Variants in FERMT1 observed in about 807,000 individuals in gnomAD.
The protein encoded by FERMT1 is fermitin family homolog 1.
FERMT1 carries 60 observed loss-of-function variants against 85.3 expected under a neutral mutation model. The ratio of observed to expected loss-of-function variants is 0.70; its 90% CI spans 0.57 to 0.87. The LOEUF (loss-of-function observed/expected upper bound fraction) is 0.87. Ranked by LOEUF, FERMT1 falls within the 40% of genes least tolerant of loss-of-function variation. The pLI, the probability that FERMT1 is intolerant of heterozygous loss-of-function variation, is 0.00. For missense variants in FERMT1, 701 were observed against 818.9 expected (o/e 0.86, Z 1.76); for synonymous variants, 275 against 301.1 (o/e 0.91, Z 0.90).
chr20:6,119,382 C>A, intron 2 of FERMT1, 22 bp downstream of exon 2: 1 of 1,613,318 alleles, frequency 6.2e-7, no homozygotes, highest in Non-Finnish European at 8.5e-7. Flanking sequence ...TACAGAGAAA[C>A]CGTAAAGCAA....
At chr20:6,080,114 G>T (rs1043130609) in intron 13 of FERMT1, among the ~76,000 whole-genome samples, 1 of 152,122 alleles carries the variant, frequency 6.6e-6, no homozygotes, top group Non-Finnish European at 1.5e-5. Flanking sequence ...GGATATCTGG[G>T]GAAAGAGTAT....
At chr20:6,091,495 G>A (rs984013119) in intron 9 of FERMT1, among the ~76,000 whole-genome samples, 1 of 152,062 alleles carries the variant, frequency 6.6e-6, no homozygotes, top group Non-Finnish European at 1.5e-5. Context: ...GCCTCCCAAA[G>A]TGCTGGGATT....
intron 5 of FERMT1, among the ~76,000 whole-genome samples, chr20:6,109,964 A>G (rs1982900585): frequency 6.6e-6 from 1 of 151,844 alleles, no homozygotes; most frequent in South Asian, 2.1e-4. Context: ...CTGGTGGGTC[A>G]CCTTGGATTT....
At chr20:6,111,581 G>A (rs1303789740) in intron 4 of FERMT1, among the ~76,000 whole-genome samples, 1 of 152,060 alleles carries the variant, frequency 6.6e-6, no homozygotes, top group Non-Finnish European at 1.5e-5. Context: ...GCAATGAGCC[G>A]AGATTGTGCC....
chr20:6,110,679 T>C (rs956372550), intron 4 of FERMT1, among the ~76,000 whole-genome samples, 168 bp from the exon 5 acceptor site: 1 of 152,174 alleles, frequency 6.6e-6, no homozygotes, highest in Non-Finnish European at 1.5e-5. Flanking sequence ...TAATCCTAGC[T>C]ACTTGGGAGG....
chr20:6,080,586 T>A lies in FERMT1; in HGVS notation c.1719-1009A>T, dbSNP rs187973099. Among the ~76,000 whole-genome samples, 111 of 152,158 alleles carry A rather than the reference T, an allele frequency of 7.3e-4. 1 individual carries two copies. The highest frequency in any genetic ancestry group is 2.6e-3 in the African/African-American group (107 of 41,520). ...GGATCACTCTGGACCGGCTCTGTGATGGTGGTGGTGGAGGAGGAGGCGGAA... is the reference window on the plus strand; with the variant it reads ...GGATCACTCTGGACCGGCTCTGTGAAGGTGGTGGTGGAGGAGGAGGCGGAA... On this transcript the variant is annotated intron_variant, in intron 13 of 14. Transcript: ENST00000217289.
Position 6,084,163 on chromosome 20 carries a change from A to C in FERMT1, c.1595T>G (p.Leu532Arg). 6.2e-7 allele frequency: 1 copy of C among 1,610,364 alleles called. No homozygotes were observed. The highest frequency in any genetic ancestry group is 8.5e-7 in the Non-Finnish European group (1 of 1,178,306). Residue 532 changes from leucine (L) to arginine (R), a missense_variant and splice_region_variant, in exon 13 of 15, where the codon CTG becomes CGG. Coordinates refer to ENST00000217289, the MANE Select transcript of FERMT1 (RefSeq NM_017671.5). The part of the protein sequence containing the change: ...RCAKRHKSKQ[L>R]AARILEAHQN... ...GTGCGCCTCCAGGATCCGGGCGGCC[A>C]GCTGAACAGAAACAGACATCAACCT...
chr20:6,075,046 T>G lies in FERMT1; in HGVS notation c.*2127A>C, dbSNP rs1395986847. The stretch of plus-strand genomic sequence containing the variant: ...GCTCTTTGGAACAGTAGCATTTAGG[T>G]TTGTTTTTTTTTTTTTTTGTCACAC... On this transcript the variant is annotated 3_prime_UTR_variant, in exon 15 of 15. Transcript: ENST00000217289. 7.2e-6 allele frequency: 1 copy of G among 139,708 alleles called. No homozygotes were observed. The highest frequency in any genetic ancestry group is 1.6e-5 in the Non-Finnish European group (1 of 63,904). The allele number at this position is 139,708 out of a possible 1,614,324, so 8.7% of individuals were successfully genotyped here.
chr20:6,093,922 C>T (rs960255874), intron 9 of FERMT1, among the ~76,000 whole-genome samples: 2 of 152,148 alleles, frequency 1.3e-5, no homozygotes, highest in Non-Finnish European at 2.9e-5. Context: ...CACCATTGCA[C>T]TCTAGCCTGG....
At chr20:6,088,156 T>C (rs770120634) in intron 10 of FERMT1, among the ~76,000 whole-genome samples, 19 of 152,196 alleles carry the variant, frequency 1.2e-4, no homozygotes, top group Non-Finnish European at 2.2e-4. Flanking sequence ...TCCAAACTCA[T>C]AGAAAAAATT....
At chr20:6,078,176 G>T (rs1233672771) in intron 14 of FERMT1, among the ~76,000 whole-genome samples, 1 of 152,202 alleles carries the variant, frequency 6.6e-6, no homozygotes, top group Non-Finnish European at 1.5e-5. Flanking sequence ...TCCTCCCAGA[G>T]ATTCAGATTT....
intron 13 of FERMT1, among the ~76,000 whole-genome samples, chr20:6,082,893 C>T (rs1982040090): frequency 6.6e-6 from 1 of 152,046 alleles, no homozygotes; most frequent in Non-Finnish European, 1.5e-5. Context: ...CTCTTGAGCT[C>T]AGGCAATCCG....
intron 6 of FERMT1, among the ~76,000 whole-genome samples, chr20:6,099,172 G>A (rs1982586432): frequency 6.6e-6 from 1 of 152,192 alleles, no homozygotes; most frequent in Non-Finnish European, 1.5e-5. Context: ...GGAGGCAGAG[G>A]TGGGCAGATC....
Position 6,097,035 on chromosome 20 carries a change from T to C in FERMT1, c.958-2A>G. The C allele has an allele frequency of 6.2e-7, 1 of 1,613,516 alleles. No individual in the cohort carries two copies. The highest frequency in any genetic ancestry group is 8.5e-7 in the Non-Finnish European group (1 of 1,179,492). On this transcript the variant is annotated splice_acceptor_variant, in intron 7 of 14. Transcript: ENST00000217289. LOFTEE classifies it high-confidence loss of function. ...CAACGACAGTTTGCTAATGTGGTAC[T>C]AAAATGAAAACAGACGTTTTAGAAA... is the stretch of plus-strand genomic sequence containing the variant.
At chr20:6,105,252 A>G (rs1982766873) in intron 6 of FERMT1, among the ~76,000 whole-genome samples, 1 of 152,208 alleles carries the variant, frequency 6.6e-6, no homozygotes, top group South Asian at 2.1e-4. Context: ...GAGAGTAGAG[A>G]AAAGCTCCTT....
intron 9 of FERMT1, among the ~76,000 whole-genome samples, chr20:6,090,118 A>T (rs940312208): frequency 2.0e-5 from 3 of 151,904 alleles, no homozygotes; most frequent in African/African-American, 7.3e-5. Context: ...CTCTGTTGCC[A>T]GGCTAGAGTG....
At chr20:6,118,963 C>G (rs1421671327) in intron 2 of FERMT1, among the ~76,000 whole-genome samples, 1 of 151,044 alleles carries the variant, frequency 6.6e-6, no homozygotes, top group Non-Finnish European at 1.5e-5. Context: ...TTTTTTTTCC[C>G]CCGACACCGA....
intron 11 of FERMT1, among the ~76,000 whole-genome samples, chr20:6,087,430 C>T (rs1472161141): frequency 6.6e-6 from 1 of 152,180 alleles, no homozygotes. Context: ...CCTGCCTCAG[C>T]CTCCCAAGTA....
At chr20:6,120,603 A>G (rs1402613638) in intron 1 of FERMT1, 1 of 152,254 alleles carries the variant, frequency 6.6e-6, no homozygotes, top group Non-Finnish European at 1.5e-5. Flanking sequence ...TTAAACATTT[A>G]AAGTAAAAAT....
Sources: allele counts gnomAD v4.1 joint callset (sites outside exome capture counted in the v4.1 genomes callset), GRCh38; gene constraint gnomAD v4.1.1; transcripts MANE v1.5; gene names NCBI Gene and HGNC (gene_info 2026-07-23, HGNC 2026-07-21).